Variants in SPATA22 observed in about 807,000 individuals in gnomAD.
SPATA22 encodes spermatogenesis associated 22.
In SPATA22, 29 loss-of-function variants were observed where a neutral mutation model predicts 47.8. That is an observed-to-expected ratio of 0.61 (90% CI 0.45 to 0.83). The LOEUF is 0.83. Ranked by LOEUF, SPATA22 falls within the 40% of genes least tolerant of loss-of-function variation. SPATA22 has a pLI of 0.00. For synonymous variants in SPATA22, 133 were observed against 140.9 expected (o/e 0.94, Z 0.40); for missense variants, 410 against 421.7 (o/e 0.97, Z 0.24).
At chr17:3,487,027 C>T (rs565401282) in intron 1 of SPATA22, among the ~76,000 whole-genome samples, 1 of 151,674 alleles carries the variant, frequency 6.6e-6, no homozygotes, top group South Asian at 2.1e-4. Flanking sequence ...TGTGTCCAGT[C>T]GCTTTCCCAT....
chr17:3,457,006 T>C (rs943041758), intron 5 of SPATA22, among the ~76,000 whole-genome samples: 7 of 152,090 alleles, frequency 4.6e-5, no homozygotes, highest in African/African-American at 1.7e-4. Flanking sequence ...CAACCCTTCA[T>C]GCTAAAAACT....
At chr17:3,447,463 A>G (rs1184210238) in intron 6 of SPATA22, among the ~76,000 whole-genome samples, 1 of 151,358 alleles carries the variant, frequency 6.6e-6, no homozygotes, top group Non-Finnish European at 1.5e-5. Context: ...TGATGGCCAC[A>G]GTAAACCACT....
At chr17:3,477,385 C>T (rs770661816) in intron 1 of SPATA22, among the ~76,000 whole-genome samples, 17 of 152,142 alleles carry the variant, frequency 1.1e-4, no homozygotes, top group Admixed American at 3.3e-4. Context: ...TTTTTGCCTT[C>T]GTTTACATCA....
At chr17:3,451,060 A>G (rs2072848042) in intron 5 of SPATA22, among the ~76,000 whole-genome samples, 1 of 152,246 alleles carries the variant, frequency 6.6e-6, no homozygotes, top group African/African-American at 2.4e-5. Flanking sequence ...GCTGTCTACA[A>G]TGAACTCAGT....
At chr17:3,505,491 C>T (rs1163154394) in intron 1 of SPATA22, among the ~76,000 whole-genome samples, 1 of 152,100 alleles carries the variant, frequency 6.6e-6, no homozygotes, top group Non-Finnish European at 1.5e-5. Context: ...CCAAGATAGC[C>T]ACTGGAGACC....
intron 8 of SPATA22, 74 bp from the exon 9 acceptor site, chr17:3,440,412 G>T: frequency 7.7e-7 from 1 of 1,297,834 alleles, no homozygotes; most frequent in Non-Finnish European, 1.0e-6. Context: ...ATATTTATGT[G>T]ATCAACTAAA....
Position 3,464,547 on chromosome 17 carries a change from C to G in SPATA22, c.173-1780G>C, listed in dbSNP as rs569906528. On this transcript the variant is annotated intron_variant, in intron 3 of 8. Coordinates refer to ENST00000572969, the MANE Select transcript of SPATA22 (RefSeq NM_001170698.2). ...TCTAGGAAGTGAGAAGCGCCTCTTC[C>G]CGGCCGCCATCCCATCTAGGAAGTG... Among the ~76,000 whole-genome samples, 30 of 138,070 alleles carry G rather than the reference C, an allele frequency of 2.2e-4. No individual in the cohort carries two copies. The South Asian group carries it at 6.8e-3, about 31-fold the overall frequency. The allele number at this position is 138,070 out of a possible 152,430, so 90.6% of individuals were successfully genotyped here.
At chr17:3,455,746 T>C (rs1313042577) in intron 5 of SPATA22, among the ~76,000 whole-genome samples, 2 of 146,438 alleles carry the variant, frequency 1.4e-5, no homozygotes, top group Admixed American at 6.9e-5. Context: ...TCCAGCTTTG[T>C]TCTTTTGGCT....
At chr17:3,486,726 C>T (rs1270452637) in intron 1 of SPATA22, among the ~76,000 whole-genome samples, 1 of 152,130 alleles carries the variant, frequency 6.6e-6, no homozygotes, top group Non-Finnish European at 1.5e-5. Flanking sequence ...AATTTAAAAG[C>T]AGGTTGGCAA....
intron 1 of SPATA22, chr17:3,512,033 C>A (rs1442055522): frequency 6.6e-6 from 1 of 152,232 alleles, no homozygotes; most frequent in African/African-American, 2.4e-5. Flanking sequence ...GGACCTTAAA[C>A]TTCTTCCAAT....
rs1217100787 is a variant in SPATA22, at chr17:3,490,785, G to A, written c.-73-21387C>T. The stretch of plus-strand genomic sequence containing the variant: ...AAGGCCACAAATCTGGGTGGAAAAC[G>A]TGGTTGGTTTTCAGATCATAGTCCA... On this transcript the variant is annotated intron_variant, in intron 1 of 8. Transcript: ENST00000541913. The surrounding 1 kb of genome is among the most constrained non-coding windows in gnomAD (Gnocchi z 4.6). Among the ~76,000 whole-genome samples the A allele has an allele frequency of 5.3e-5, 8 of 152,132 alleles. No individual in the cohort carries two copies. Among genetic ancestry groups the A allele is most frequent in the Non-Finnish European group, 8.8e-5 (6 of 68,024 alleles).
intron 1 of SPATA22, among the ~76,000 whole-genome samples, chr17:3,495,067 T>C (rs1223877518): frequency 6.6e-6 from 1 of 152,092 alleles, no homozygotes; most frequent in Non-Finnish European, 1.5e-5. Flanking sequence ...TGCCTAGTTT[T>C]ATCAATAATG....
chr17:3,479,351 G>A (rs1009685153), intron 1 of SPATA22, among the ~76,000 whole-genome samples: 4 of 152,232 alleles, frequency 2.6e-5, no homozygotes, highest in East Asian at 1.9e-4. Flanking sequence ...CAAAATTGTC[G>A]GGCGCGACCT....
At chr17:3,464,227 C>T (rs1481185742) in intron 3 of SPATA22, among the ~76,000 whole-genome samples, 1 of 151,972 alleles carries the variant, frequency 6.6e-6, no homozygotes, top group Non-Finnish European at 1.5e-5. Context: ...AGTGATCCGC[C>T]AGCCTCGGCC....
exon 1 of SPATA22, chr17:3,513,822 G>A: frequency 3.8e-6 from 4 of 1,066,336 alleles, no homozygotes; most frequent in East Asian, 2.4e-5. Context: ...AGCAGAGCCG[G>A]ACTCCACCAT....
chr17:3,458,869 A>AAAAAAAAAAAAAT, intron 5 of SPATA22, among the ~76,000 whole-genome samples: 1 of 150,896 alleles, frequency 6.6e-6, no homozygotes. Flanking sequence ...AAAAAAAAAA[A>AAAAAAAAAAAAAT]AAAAAAAAAA....
intron 1 of SPATA22, among the ~76,000 whole-genome samples, chr17:3,498,572 C>T (rs1432952464): frequency 6.6e-6 from 1 of 152,100 alleles, no homozygotes; most frequent in Non-Finnish European, 1.5e-5. Flanking sequence ...GTTTTGAACT[C>T]CTAGGCTCAA....
chr17:3,504,554 CTT>C (rs34155812), intron 1 of SPATA22, among the ~76,000 whole-genome samples: 72,521 of 138,530 alleles, frequency 0.52, 20,246 homozygotes, highest in South Asian at 0.74. Flanking sequence ...ATTTTCTTTT[CTT>C]TTTTTTTTTT....
chr17:3,454,907 G>A (rs994885981), intron 5 of SPATA22, among the ~76,000 whole-genome samples: 3 of 151,946 alleles, frequency 2.0e-5, no homozygotes, highest in African/African-American at 7.2e-5. Context: ...CTAGTTTACA[G>A]TCCCACCAAC....
Sources: allele counts gnomAD v4.1 joint callset (sites outside exome capture counted in the v4.1 genomes callset), GRCh38; gene constraint gnomAD v4.1.1; non-coding constraint Gnocchi (gnomAD v3.1); transcripts MANE v1.5; gene names NCBI Gene and HGNC (gene_info 2026-07-23, HGNC 2026-07-21).